SGK1: variants seen among roughly 807,000 people sequenced by gnomAD.
SGK1 encodes serum/glucocorticoid regulated kinase 1, also known as serine/threonine-protein kinase Sgk1.
SGK1 carries 26 observed loss-of-function variants against 64.2 expected under a neutral mutation model. The observed-to-expected ratio is 0.40, with a 90% CI of 0.30 to 0.56. SGK1 has a LOEUF of 0.56. SGK1 is among the 20% of genes least tolerant of loss of function. SGK1 has a pLI of 0.38. For missense variants in SGK1, 519 were observed against 645.6 expected, an observed-to-expected ratio of 0.80 and a Z score of 2.12; for synonymous variants, 265 against 239.7, an observed-to-expected ratio of 1.11 and a Z score of -0.98.
chr6:134,255,437 C>G (rs967245347), intron 2 of SGK1, among the ~76,000 whole-genome samples: 2 of 151,894 alleles, frequency 1.3e-5, no homozygotes, highest in African/African-American at 4.8e-5. Context: ...AATCCCAGCA[C>G]TTTGGGAGGC....
chr6:134,268,183 G>A (rs182011887), intron 1 of SGK1, among the ~76,000 whole-genome samples: 1 of 152,286 alleles, frequency 6.6e-6, no homozygotes, highest in African/African-American at 2.4e-5. Flanking sequence ...CTCAGGCTGC[G>A]GATTGCTTTA....
At chr6:134,243,830 G>A (rs1259857833) in intron 2 of SGK1, among the ~76,000 whole-genome samples, 1 of 151,948 alleles carries the variant, frequency 6.6e-6, no homozygotes, top group African/African-American at 2.4e-5. Context: ...TGTTGTTTGT[G>A]GTTTTTAAGC....
intron 2 of SGK1, among the ~76,000 whole-genome samples, chr6:134,219,500 C>T (rs925351444): frequency 2.0e-5 from 3 of 152,132 alleles, no homozygotes; most frequent in African/African-American, 2.4e-5. Flanking sequence ...GTATCTCACG[C>T]CTGTAATCCC....
chr6:134,303,794 A>AAAAAGAAAAGAAAAG, intron 1 of SGK1, among the ~76,000 whole-genome samples: 1 of 150,470 alleles, frequency 6.6e-6, no homozygotes, highest in East Asian at 1.9e-4. Context: ...CAAGAAAAAA[A>AAAAAGAAAAGAAAAG]AAAAGAAAAG....
chr6:134,293,303 C>A (rs1441575527), intron 1 of SGK1, among the ~76,000 whole-genome samples: 1 of 152,164 alleles, frequency 6.6e-6, no homozygotes, highest in Non-Finnish European at 1.5e-5. Flanking sequence ...AGAGGCTTTG[C>A]TGGTCAATGT....
At chr6:134,225,394 G>A (rs915051195) in intron 2 of SGK1, among the ~76,000 whole-genome samples, 2 of 150,098 alleles carry the variant, frequency 1.3e-5, no homozygotes, top group Admixed American at 6.7e-5. Flanking sequence ...TGTGGATCCA[G>A]ACTCTGGCCA....
At chr6:134,172,057 T>C (rs1775045087) in intron 10 of SGK1, 136 bp downstream of exon 10, 1 of 984,208 alleles carries the variant, frequency 1.0e-6, no homozygotes, top group Non-Finnish European at 1.5e-6. Context: ...AAACAGCAAA[T>C]GTATTTTATT....
intron 2 of SGK1, among the ~76,000 whole-genome samples, chr6:134,255,282 A>G (rs1776665142): frequency 6.6e-6 from 1 of 152,036 alleles, no homozygotes; most frequent in African/African-American, 2.4e-5. Flanking sequence ...CCATTTTTTC[A>G]CCATTTCCAA....
chr6:134,297,822 T>C, intron 1 of SGK1: 1 of 683,472 alleles, frequency 1.5e-6, no homozygotes, highest in Non-Finnish European at 2.7e-6. Flanking sequence ...CTTTGTATGC[T>C]GCAGGTCATC....
At chr6:134,215,415 C>T (rs1474797596) in intron 2 of SGK1, among the ~76,000 whole-genome samples, 3 of 151,496 alleles carry the variant, frequency 2.0e-5, no homozygotes, top group African/African-American at 4.8e-5. Flanking sequence ...GGCGCCTGGC[C>T]GAGAGTAAGT....
rs1343173967 is a variant in SGK1, at chr6:134,170,896, A to G, written c.1343T>C (p.Val448Ala). ...ATCCCAGTTAATTAAGGAGAAGAAG[A>G]CATGACTCTTAATCTCCATCTGTTG... ...KDDFMEIKSHVFFSLINWDDL... is the reference protein window; with the variant it reads ...KDDFMEIKSHAFFSLINWDDL... Residue 448 changes from valine to alanine, a missense_variant, in exon 13 of 14, where the codon GTC becomes GCC. Val to Ala is a moderately conservative substitution (Grantham distance 64). Coordinates refer to ENST00000367858, the MANE Select transcript of SGK1 (RefSeq NM_001143676.3). 1 of 1,612,110 alleles carries G rather than the reference A, an allele frequency of 6.2e-7. No individual in the cohort carries two copies. Among genetic ancestry groups the G allele is most frequent in the Non-Finnish European group, 8.5e-7 (1 of 1,178,294 alleles).
At chr6:134,286,418 T>C (rs968665137) in intron 1 of SGK1, among the ~76,000 whole-genome samples, 2 of 151,832 alleles carry the variant, frequency 1.3e-5, no homozygotes, top group Non-Finnish European at 2.9e-5. Context: ...TGATTGCCAC[T>C]GCACTCCAGC....
intron 2 of SGK1, among the ~76,000 whole-genome samples, chr6:134,249,742 C>T (rs1042684352): frequency 3.3e-5 from 5 of 152,156 alleles, no homozygotes; most frequent in African/African-American, 1.2e-4. Flanking sequence ...GGAGAGGATT[C>T]AGCATTCTGG....
At chr6:134,237,148 G>A (rs1776376936) in intron 2 of SGK1, among the ~76,000 whole-genome samples, 1 of 150,074 alleles carries the variant, frequency 6.7e-6, no homozygotes, top group South Asian at 2.1e-4. Flanking sequence ...TCTGCCTCTG[G>A]GGCTCAAGCG....
intron 2 of SGK1, among the ~76,000 whole-genome samples, chr6:134,238,929 C>T (rs1439244831): frequency 6.6e-6 from 1 of 152,182 alleles, no homozygotes; most frequent in African/African-American, 2.4e-5. Context: ...CTATCCATAT[C>T]GTAGGGTTTA....
At chr6:134,177,807 A>C in intron 3 of SGK1, 1 of 1,613,324 alleles carries the variant, frequency 6.2e-7, no homozygotes, top group Non-Finnish European at 8.5e-7. Context: ...GATAAGCTGG[A>C]ACTCTGAGAT....
At chr6:134,259,304 C>G (rs1776728247) in intron 2 of SGK1, among the ~76,000 whole-genome samples, 1 of 152,080 alleles carries the variant, frequency 6.6e-6, no homozygotes, top group Non-Finnish European at 1.5e-5. Flanking sequence ...AGAACCCTCT[C>G]TCTGCTTCTA....
At chr6:134,193,757 TAAAAA>T (rs960120920) in intron 3 of SGK1, among the ~76,000 whole-genome samples, 1 of 52,098 alleles carries the variant, frequency 1.9e-5, no homozygotes, top group African/African-American at 7.6e-5. Context: ...AAGGAACAGT[TAAAAA>T]AGAAAAGAAA....
rs1399564170 is a variant in SGK1, at chr6:134,169,543, TCTGA to T, written c.*721_*724del. On this transcript the variant is annotated 3_prime_UTR_variant, in exon 14 of 14. Transcript: ENST00000367858. ...TTAAACAATGAAAAACACCAACGGC[TCTGA>T]CTGACAACTGGGGCATTGGTCCATA... 1 of 152,344 alleles carries T rather than the reference TCTGA, an allele frequency of 6.6e-6. No homozygotes were observed. Among genetic ancestry groups the T allele is most frequent in the Non-Finnish European group, 1.5e-5 (1 of 67,994 alleles). 9.4% of individuals were successfully genotyped at this position (152,344 alleles called of 1,614,324 possible). A position where few individuals can be genotyped will look rare whatever the true frequency, so the allele number is the denominator to read the frequency against.
Sources: gnomAD v4.1 joint callset for allele counts (sites outside exome capture counted in the v4.1 genomes callset) on GRCh38, gnomAD v4.1.1 for gene constraint, MANE v1.5 for transcripts, NCBI Gene and HGNC (gene_info 2026-07-23, HGNC 2026-07-21) for gene names.